The following PRCD variants were observed in gnomAD, a reference collection of about 807,000 sequenced individuals.
PRCD encodes the protein photoreceptor disc component, also known as photoreceptor disk component PRCD.
Under a neutral mutation model 10.1 loss-of-function variants are expected in PRCD, and 12 were observed. The ratio of observed to expected loss-of-function variants is 1.18; its 90% CI spans 0.76 to 1.92. PRCD has a LOEUF of 1.92. Among genes scored for constraint, PRCD ranks in the 40% most tolerant of loss-of-function variants. PRCD has a pLI of 0.00. For synonymous variants in PRCD, 31 were observed against 26.2 expected (o/e 1.18, Z -0.56); for missense variants, 61 against 72.2 (o/e 0.84, Z 0.56).
Position 76,531,269 on chromosome 17 carries a change from A to G in PRCD, n.45+3436A>G. 8.1e-7 allele frequency: 1 copy of G among 1,241,958 alleles called. No individual in the cohort carries two copies. Among genetic ancestry groups the G allele is most frequent in the Non-Finnish European group, 1.1e-6 (1 of 895,306 alleles). 76.9% of individuals were successfully genotyped at this position (1,241,958 alleles called of 1,614,324 possible). On this transcript the variant is annotated intron_variant and non_coding_transcript_variant, in intron 1 of 4. Coordinates refer to the PRCD transcript ENST00000397633. This position sits in a 1 kb window ranked among gnomAD's most constrained non-coding sequence, Gnocchi z 7.4. The stretch of plus-strand genomic sequence containing the variant: ...ACGCAACAGTCTGGCAGCTTTGGGA[A>G]CCCCGTGCTCTCAGGACAAGGGTTG...
In PRCD at chr17:76,544,649, T is replaced by C. The variant is rs991304351; in HGVS notation, c.*999T>C. 14 of 456,650 alleles carry C rather than the reference T, an allele frequency of 3.1e-5. No individual in the cohort carries two copies. The highest frequency in any genetic ancestry group is 1.6e-4 in the African/African-American group (8 of 50,088). 28.3% of individuals were successfully genotyped at this position (456,650 alleles called of 1,614,324 possible). On this transcript the variant is annotated 3_prime_UTR_variant, in exon 5 of 5. Coordinates refer to ENST00000592014, the MANE Select transcript of PRCD (RefSeq NM_001077620.3). ...AGCTCCTGTCAGCCTGTCTCTCTCT[T>C]TGGAGGCATCGGCCTTCCTGGTGAC...
At chr17:76,542,215 A>G (rs912592000) in intron 2 of PRCD, among the ~76,000 whole-genome samples, 3 of 152,074 alleles carry the variant, frequency 2.0e-5, no homozygotes, top group African/African-American at 7.2e-5. Flanking sequence ...CAGGAGAGAA[A>G]AGGCCAAATC....
At chr17:76,534,089 C>G (rs963332719) in intron 1 of PRCD, among the ~76,000 whole-genome samples, 9 of 7,652 alleles carry the variant, frequency 1.2e-3, no homozygotes, top group African/African-American at 1.5e-3. Flanking sequence ...TGTTATTGTA[C>G]CTTTTTTCTT....
intron 2 of PRCD, among the ~76,000 whole-genome samples, chr17:76,542,134 G>C (rs2074999171): frequency 6.6e-6 from 1 of 152,170 alleles, no homozygotes; most frequent in African/African-American, 2.4e-5. Flanking sequence ...CTCATTTGTG[G>C]CTAATGCGGG....
downstream of PRCD, chr17:76,546,478 A>G (rs1409202591): frequency 6.7e-6 from 1 of 148,200 alleles, no homozygotes; most frequent in Non-Finnish European, 1.5e-5. The surrounding 1 kb of genome is among the most constrained non-coding windows in gnomAD (Gnocchi z 4.5). Flanking sequence ...GTGTGCGCGC[A>G]GTCCTGGGCA....
chr17:76,537,858 G>GC (rs1567909506), upstream of PRCD: 6 of 151,758 alleles, frequency 4.0e-5, no homozygotes, highest in African/African-American at 1.5e-4. Context: ...ATGCCGGCAA[G>GC]GTGAAGGCTG....
chr17:76,530,079 C>A lies in PRCD; in HGVS notation n.45+2246C>A, dbSNP rs1316843426. ...CCGTGCAGAGCCCGGCGGGAGACGC[C>A]GCCTTTTCCATGGGAAACTGCTGGG... On this transcript the variant is annotated intron_variant and non_coding_transcript_variant, in intron 1 of 4. Transcript: ENST00000397633. This position sits in a 1 kb window ranked among gnomAD's most constrained non-coding sequence, Gnocchi z 6.1. 1 of 984,404 alleles carries A rather than the reference C, an allele frequency of 1.0e-6. No individual in the cohort carries two copies. The highest frequency in any genetic ancestry group is 1.2e-6 in the Non-Finnish European group (1 of 829,192). 61.0% of individuals were successfully genotyped at this position (984,404 alleles called of 1,614,324 possible).
chr17:76,547,492 A>C (rs540562747), downstream of PRCD: 34 of 152,436 alleles, frequency 2.2e-4, no homozygotes, highest in African/African-American at 7.5e-4. Context: ...CCTAAGGAGC[A>C]CAGACCCTCT....
chr17:76,532,506 C>A (rs1161835751), intron 1 of PRCD, among the ~76,000 whole-genome samples: 1 of 151,290 alleles, frequency 6.6e-6, no homozygotes, highest in East Asian at 1.9e-4. Flanking sequence ...AGCTGGGGCC[C>A]TGCAGTGTGA....
chr17:76,539,747 A>C (rs2074963633), upstream of PRCD, among the ~76,000 whole-genome samples: 1 of 152,148 alleles, frequency 6.6e-6, no homozygotes, highest in African/African-American at 2.4e-5. Flanking sequence ...CGTTGCCCTG[A>C]TGCCTGCAAC....
Position 76,531,286 on chromosome 17 carries a change from C to T in PRCD, n.45+3453C>T. The T allele has an allele frequency of 1.6e-6, 2 of 1,217,910 alleles. No homozygotes were observed. The highest frequency in any genetic ancestry group is 2.3e-6 in the Non-Finnish European group (2 of 873,964). 75.4% of individuals were successfully genotyped at this position (1,217,910 alleles called of 1,614,324 possible). ...CTTTGGGAACCCCGTGCTCTCAGGA[C>T]AAGGGTTGCCCTGGACCCAGCCCCT... On this transcript the variant is annotated intron_variant and non_coding_transcript_variant, in intron 1 of 4. Transcript: ENST00000397633. This position sits in a 1 kb window ranked among gnomAD's most constrained non-coding sequence, Gnocchi z 7.4.
Position 76,540,120 on chromosome 17 carries a change from G to A in PRCD, c.-22G>A. On this transcript the variant is annotated 5_prime_UTR_variant, in exon 1 of 5. Coordinates refer to ENST00000592014, the MANE Select transcript of PRCD (RefSeq NM_001077620.3). The surrounding 1 kb of genome is among the most constrained non-coding windows in gnomAD (Gnocchi z 5.0). ...GTGGCCTTCTGCAGACTTGGCCTGGGAGGGGATGGGGCAGCTGCGCCATGT... is the reference window on the plus strand; with the variant it reads ...GTGGCCTTCTGCAGACTTGGCCTGGAAGGGGATGGGGCAGCTGCGCCATGT... 6.3e-7 allele frequency: 1 copy of A among 1,593,406 alleles called. No individual in the cohort carries two copies. The highest frequency in any genetic ancestry group is 8.5e-7 in the Non-Finnish European group (1 of 1,170,240).
chr17:76,542,990 GT>G (rs1387247142), intron 3 of PRCD, 38 bp from the exon 4 acceptor site: 10 of 488,802 alleles, frequency 2.0e-5, no homozygotes, highest in Non-Finnish European at 4.2e-5. Flanking sequence ...ATCCCCAGGT[GT>G]GGGAGAAGTG....
chr17:76,548,202 TACAG>T (rs1300549584), downstream of PRCD, among the ~76,000 whole-genome samples: 2 of 151,226 alleles, frequency 1.3e-5, no homozygotes, highest in African/African-American at 2.4e-5. Flanking sequence ...TTTACACACA[TACAG>T]ACATATACAC....
At chr17:76,527,775 C>G, upstream of PRCD, 1 of 454,026 alleles carries the variant, frequency 2.2e-6, no homozygotes, top group Non-Finnish European at 4.4e-6. Context: ...AGGCCCCTCC[C>G]CCAGTGCGGT....
At chr17:76,547,270 C>T (rs1027987279), downstream of PRCD, 14 of 152,480 alleles carry the variant, frequency 9.2e-5, no homozygotes, top group African/African-American at 3.1e-4. Context: ...TCATCACCCA[C>T]AGTCACTGCA....
At chr17:76,534,146 T>TCTCTCTCTCTC (rs2074885915) in intron 1 of PRCD, among the ~76,000 whole-genome samples, 1 of 128,902 alleles carries the variant, frequency 7.8e-6, no homozygotes, top group South Asian at 2.8e-4. Context: ...CTCTTTCTCT[T>TCTCTCTCTCTC]TCTCTCTCTC....
chr17:76,551,447 G>A (rs2075108262), intron 1 of PRCD: 1 of 152,186 alleles, frequency 6.6e-6, no homozygotes. Flanking sequence ...CCTGTACACT[G>A]TTGGCAAGCA....
chr17:76,530,899 T>C lies in PRCD; in HGVS notation n.45+3066T>C. 6.9e-7 allele frequency: 1 copy of C among 1,455,086 alleles called. No individual in the cohort carries two copies. The highest frequency in any genetic ancestry group is 9.2e-7 in the Non-Finnish European group (1 of 1,089,654). The allele number at this position is 1,455,086 out of a possible 1,614,324, so 90.1% of individuals were successfully genotyped here. A position where few individuals can be genotyped will look rare whatever the true frequency, so the allele number is the denominator to read the frequency against. Reference sequence around the variant, plus strand: ...TGCCCAGGTGATCAGCCCCAGGGCCTCAGGAGATATGGGAGACCTCGGGGA... The same window carrying C: ...TGCCCAGGTGATCAGCCCCAGGGCCCCAGGAGATATGGGAGACCTCGGGGA... On this transcript the variant is annotated intron_variant and non_coding_transcript_variant, in intron 1 of 4. Transcript: ENST00000397633. The surrounding 1 kb of genome is among the most constrained non-coding windows in gnomAD (Gnocchi z 6.1).
Sources: allele counts gnomAD v4.1 joint callset (sites outside exome capture counted in the v4.1 genomes callset), GRCh38; gene constraint gnomAD v4.1.1; non-coding constraint Gnocchi (gnomAD v3.1); transcripts MANE v1.5; gene names NCBI Gene and HGNC (gene_info 2026-07-23, HGNC 2026-07-21).